CACNG5: variants seen among roughly 807,000 people sequenced by gnomAD.
CACNG5 encodes calcium voltage-gated channel auxiliary subunit gamma 5, also known as voltage-dependent calcium channel gamma-5 subunit.
In CACNG5, 18 loss-of-function variants were observed where a neutral mutation model predicts 24.8. The observed-to-expected ratio is 0.73, with a 90% CI of 0.50 to 1.08. The LOEUF (loss-of-function observed/expected upper bound fraction) is 1.08. CACNG5 is among the 50% of genes least tolerant of loss of function. The pLI is 0.00. For missense variants in CACNG5, 349 were observed against 367.9 expected, an observed-to-expected ratio of 0.95 and a Z score of 0.42; for synonymous variants, 157 against 149.1, an observed-to-expected ratio of 1.05 and a Z score of -0.39.
chr17:66,893,051 G>A lies in CACNG5; in HGVS notation c.*7811G>A, dbSNP rs1398925723. 6.6e-6 allele frequency among the ~76,000 whole-genome samples: 1 copy of A among 152,180 alleles called. No individual in the cohort carries two copies. The highest frequency in any genetic ancestry group is 1.5e-5 in the Non-Finnish European group (1 of 68,040). The stretch of plus-strand genomic sequence containing the variant: ...TTGGCACATAATAGGTATTTTGCAA[G>A]CATTATCTCATGTAACCCTTTCCAT... On this transcript the variant is annotated 3_prime_UTR_variant, in exon 6 of 6. Coordinates refer to ENST00000533854, the MANE Select transcript of CACNG5 (RefSeq NM_145811.3).
intron 1 of CACNG5, among the ~76,000 whole-genome samples, chr17:66,860,633 G>A (rs1344627434): frequency 6.8e-5 from 10 of 147,824 alleles, no homozygotes; most frequent in African/African-American, 7.5e-5. Flanking sequence ...CCACTTGACA[G>A]AAAAAAAAAA....
chr17:66,860,324 A>G (rs1976836092), intron 1 of CACNG5, among the ~76,000 whole-genome samples: 1 of 152,212 alleles, frequency 6.6e-6, no homozygotes, highest in Non-Finnish European at 1.5e-5. Context: ...AAGATGAGCT[A>G]TGCCACACCC....
intron 1 of CACNG5, among the ~76,000 whole-genome samples, chr17:66,845,553 G>C (rs759646283): frequency 6.6e-6 from 1 of 151,876 alleles, no homozygotes; most frequent in Non-Finnish European, 1.5e-5. Context: ...AGCTTTGCCA[G>C]ATGTTCCCCA....
At chr17:66,843,868 C>T (rs1255006552) in intron 1 of CACNG5, among the ~76,000 whole-genome samples, 2 of 151,746 alleles carry the variant, frequency 1.3e-5, no homozygotes, top group African/African-American at 4.8e-5. Flanking sequence ...ACTGGGTGCT[C>T]TCAAGCAAAA....
chr17:66,855,637 C>T (rs1309075698), intron 1 of CACNG5, among the ~76,000 whole-genome samples: 2 of 152,172 alleles, frequency 1.3e-5, no homozygotes, highest in Non-Finnish European at 2.9e-5. Flanking sequence ...GATTCTCCTG[C>T]CTCAGGCTCG....
At chr17:66,841,453 C>T (rs1205554988) in intron 1 of CACNG5, among the ~76,000 whole-genome samples, 1 of 152,200 alleles carries the variant, frequency 6.6e-6, no homozygotes, top group Non-Finnish European at 1.5e-5. Flanking sequence ...GGAGAACATC[C>T]TCAAACGCCC....
At position 66,862,892 on chromosome 17, in the gene CACNG5, C is replaced by CTCTCTCTCTCTG. The variant is rs567913804; in HGVS notation, c.-103-14337_-103-14336insCTCTCTCTCTGT. Among the ~76,000 whole-genome samples, 301 of 142,256 alleles carry CTCTCTCTCTCTG rather than the reference C, an allele frequency of 2.1e-3. 5 individuals carry two copies. The highest frequency in any genetic ancestry group is 7.6e-3 in the African/African-American group (285 of 37,678). 93.3% of individuals were successfully genotyped at this position (142,256 alleles called of 152,430 possible). A position where few individuals can be genotyped will look rare whatever the true frequency, so the allele number is the denominator to read the frequency against. ...ACAACCTTGTCTGCCAGCATATTCTCTGTGTGTGTGTGTGTGTGTGTGTGT... is the reference window on the plus strand; with the variant it reads ...ACAACCTTGTCTGCCAGCATATTCTCTCTCTCTCTCTGTGTGTGTGTGTGTGTGTGTGTGTGT... On this transcript the variant is annotated intron_variant, in intron 1 of 5. Transcript: ENST00000533854.
chr17:66,839,264 C>T (rs1242713280), intron 1 of CACNG5, among the ~76,000 whole-genome samples: 1 of 148,388 alleles, frequency 6.7e-6, no homozygotes, highest in Non-Finnish European at 1.5e-5. Context: ...CTGGCCACCC[C>T]CACCCATTCT....
At chr17:66,865,831 C>T (rs927189263) in intron 1 of CACNG5, among the ~76,000 whole-genome samples, 5 of 144,064 alleles carry the variant, frequency 3.5e-5, no homozygotes, top group African/African-American at 7.7e-5. Flanking sequence ...TTAGTAGAGA[C>T]GGGGTTTCAC....
intron 1 of CACNG5, among the ~76,000 whole-genome samples, chr17:66,855,763 C>G (rs772989499): frequency 1.3e-5 from 2 of 152,146 alleles, no homozygotes; most frequent in Non-Finnish European, 2.9e-5. Flanking sequence ...TCCCAAAGTG[C>G]TGGGATTACA....
intron 3 of CACNG5, among the ~76,000 whole-genome samples, chr17:66,880,294 A>T (rs1046436853): frequency 2.0e-5 from 3 of 152,220 alleles, no homozygotes; most frequent in East Asian, 1.9e-4. Context: ...GGAGGGTAGT[A>T]GCTTATGCCT....
In CACNG5 at chr17:66,862,892, C is replaced by CTGTGTGTGTGTGTG. The variant is rs56308917; in HGVS notation, c.-103-14304_-103-14291dup. Among the ~76,000 whole-genome samples the CTGTGTGTGTGTGTG allele has an allele frequency of 1.7e-3, 243 of 142,208 alleles. 2 individuals are homozygous for CTGTGTGTGTGTGTG. Among genetic ancestry groups the CTGTGTGTGTGTGTG allele is most frequent in the African/African-American group, 6.1e-3 (230 of 37,632 alleles). The allele number at this position is 142,208 out of a possible 152,430, so 93.3% of individuals were successfully genotyped here. A position where few individuals can be genotyped will look rare whatever the true frequency, so the allele number is the denominator to read the frequency against. On this transcript the variant is annotated intron_variant, in intron 1 of 5. Coordinates refer to ENST00000533854, the MANE Select transcript of CACNG5 (RefSeq NM_145811.3). ...ACAACCTTGTCTGCCAGCATATTCTCTGTGTGTGTGTGTGTGTGTGTGTGT... is the reference window on the plus strand; with the variant it reads ...ACAACCTTGTCTGCCAGCATATTCTCTGTGTGTGTGTGTGTGTGTGTGTGTGTGTGTGTGTGTGT...
intron 4 of CACNG5, among the ~76,000 whole-genome samples, chr17:66,882,939 CCA>C (rs1977184336): frequency 3.0e-5 from 1 of 33,460 alleles, no homozygotes; most frequent in African/African-American, 3.4e-4. Flanking sequence ...CTTTCTCCTT[CCA>C]TCCATCCATC....
chr17:66,836,108 T>C (rs1159902060), intron 1 of CACNG5, among the ~76,000 whole-genome samples: 2 of 152,122 alleles, frequency 1.3e-5, no homozygotes, highest in Non-Finnish European at 2.9e-5. Flanking sequence ...TCTCCAGGGC[T>C]GCCCCGGGGC....
intron 1 of CACNG5, among the ~76,000 whole-genome samples, chr17:66,847,499 C>G (rs1976652800): frequency 6.6e-6 from 1 of 152,112 alleles, no homozygotes; most frequent in African/African-American, 2.4e-5. Context: ...ATAAAACCAT[C>G]AGATCTCGTG....
rs1977257334 is a variant in CACNG5 at position 66,886,174 on chromosome 17, A to G, written c.*934A>G. Among the ~76,000 whole-genome samples the G allele has an allele frequency of 6.6e-6, 1 of 152,214 alleles. No homozygotes were observed. The highest frequency in any genetic ancestry group is 1.5e-5 in the Non-Finnish European group (1 of 68,046). On this transcript the variant is annotated 3_prime_UTR_variant, in exon 6 of 6. Transcript: ENST00000533854. Reference sequence around the variant, plus strand: ...GGCCCTAAGATGGAATCTTGTAGACATCTGTCTAAACCACCTAAGTGGAAG... The same window carrying G: ...GGCCCTAAGATGGAATCTTGTAGACGTCTGTCTAAACCACCTAAGTGGAAG...
At chr17:66,863,146 C>T (rs1007219145) in intron 1 of CACNG5, among the ~76,000 whole-genome samples, 3 of 151,710 alleles carry the variant, frequency 2.0e-5, no homozygotes, top group Admixed American at 6.6e-5. Flanking sequence ...TTATGATTTT[C>T]CTTCTAAGCT....
chr17:66,849,906 G>C (rs1024346130), intron 1 of CACNG5, among the ~76,000 whole-genome samples: 4 of 152,216 alleles, frequency 2.6e-5, no homozygotes, highest in Non-Finnish European at 5.9e-5. Flanking sequence ...TCTTTTTGCG[G>C]TCAAGTGGTG....
intron 1 of CACNG5, among the ~76,000 whole-genome samples, chr17:66,873,383 A>C (rs1269529959): frequency 6.6e-6 from 1 of 152,204 alleles, no homozygotes; most frequent in Non-Finnish European, 1.5e-5. Context: ...TCCAGGCTTT[A>C]GGATCTGCTA....
Sources: allele counts gnomAD v4.1 joint callset (sites outside exome capture counted in the v4.1 genomes callset), GRCh38; gene constraint gnomAD v4.1.1; transcripts MANE v1.5; gene names NCBI Gene and HGNC (gene_info 2026-07-23, HGNC 2026-07-21).